The following CAMSAP1 variants were observed in gnomAD, a reference collection of about 807,000 sequenced individuals.
The protein encoded by CAMSAP1 is calmodulin regulated spectrin associated protein 1.
In CAMSAP1, 58 loss-of-function variants were observed where a neutral mutation model predicts 143.5. The ratio of observed to expected loss-of-function variants is 0.40; its 90% CI spans 0.33 to 0.50. The LOEUF is 0.50. Ranked by LOEUF, CAMSAP1 falls within the 20% of genes least tolerant of loss-of-function variation. CAMSAP1 has a pLI of 0.45. For synonymous variants in CAMSAP1, 945 were observed against 859.3 expected, an observed-to-expected ratio of 1.10 and a Z score of -1.74; for missense variants, 1,969 against 2,115.7, an observed-to-expected ratio of 0.93 and a Z score of 1.36.
At chr9:135,813,424 C>G (rs1404446837) in intron 16 of CAMSAP1, among the ~76,000 whole-genome samples, 1 of 152,144 alleles carries the variant, frequency 6.6e-6, no homozygotes, top group Non-Finnish European at 1.5e-5. Flanking sequence ...TTAAAAGAAT[C>G]CAAAACTGTC....
chr9:135,839,115 G>A (rs542927012), intron 7 of CAMSAP1, among the ~76,000 whole-genome samples: 3 of 152,184 alleles, frequency 2.0e-5, no homozygotes, highest in Admixed American at 2.0e-4. Flanking sequence ...TACTTGGTTC[G>A]GCGCCCTTCG....
intron 1 of CAMSAP1, among the ~76,000 whole-genome samples, chr9:135,902,887 T>TC (rs764084732): frequency 3.3e-5 from 5 of 152,066 alleles, no homozygotes; most frequent in Non-Finnish European, 7.4e-5. Flanking sequence ...AACCCTAAGC[T>TC]CCCATCCAGT....
intron 7 of CAMSAP1, chr9:135,836,089 GGAAA>G (rs1836022860): frequency 2.0e-6 from 2 of 984,806 alleles, no homozygotes; most frequent in South Asian, 4.7e-5. Flanking sequence ...CAGAAACTTC[GGAAA>G]GAGAGCTGCC....
At chr9:135,881,174 C>G (rs983929811) in intron 3 of CAMSAP1, among the ~76,000 whole-genome samples, 5 of 151,812 alleles carry the variant, frequency 3.3e-5, no homozygotes, top group African/African-American at 1.2e-4. Context: ...GAGACTCCCT[C>G]TCTACTAAAA....
chr9:135,906,877 G>T, intron 1 of CAMSAP1, 123 bp downstream of exon 1: 4 of 542,618 alleles, frequency 7.4e-6, no homozygotes, highest in South Asian at 1.5e-4. Context: ...GCCCAGCCCC[G>T]ACCCTGTGCG....
chr9:135,886,616 C>A (rs150812098), intron 1 of CAMSAP1, among the ~76,000 whole-genome samples: 1 of 152,160 alleles, frequency 6.6e-6, no homozygotes, highest in South Asian at 2.1e-4. Flanking sequence ...GTCAGCAGAG[C>A]GAGACAGGCT....
Position 135,827,406 on chromosome 9 carries a change from C to A in CAMSAP1, c.1223+1G>T. The A allele has an allele frequency of 6.5e-7, 1 of 1,548,746 alleles. No homozygotes were observed. Among genetic ancestry groups the A allele is most frequent in the Non-Finnish European group, 8.8e-7 (1 of 1,139,620 alleles). On this transcript the variant is annotated splice_donor_variant, in intron 8 of 16. Coordinates refer to ENST00000389532, the MANE Select transcript of CAMSAP1 (RefSeq NM_015447.4). LOFTEE classifies it high-confidence loss of function. ...TTCTGAAAGCAGAAAGACAGACTTA[C>A]AGGTATTCAGGTTCTTCCGGGTGCA...
chr9:135,866,360 T>C, intron 4 of CAMSAP1, 96 bp downstream of exon 4: 2 of 692,276 alleles, frequency 2.9e-6, no homozygotes, highest in Admixed American at 4.7e-5. Flanking sequence ...TGAGTAAAAA[T>C]AGAGAATAAG....
intron 1 of CAMSAP1, among the ~76,000 whole-genome samples, chr9:135,883,883 T>C (rs1195371106): frequency 6.6e-6 from 1 of 152,158 alleles, no homozygotes; most frequent in Non-Finnish European, 1.5e-5. Flanking sequence ...GAGCCTACTG[T>C]ATACTTCCGG....
intron 5 of CAMSAP1, 62 bp downstream of exon 5, chr9:135,862,405 G>T: frequency 1.7e-5 from 25 of 1,435,834 alleles, no homozygotes; most frequent in Non-Finnish European, 2.2e-5. Flanking sequence ...GTGGATCAAT[G>T]TACACTATAA....
intron 7 of CAMSAP1, chr9:135,836,228 CCT>C: frequency 1.0e-6 from 1 of 985,266 alleles, no homozygotes; most frequent in African/African-American, 1.7e-5. Context: ...TACCTTCTAC[CCT>C]GTTCTACAGA....
intron 5 of CAMSAP1, among the ~76,000 whole-genome samples, chr9:135,854,523 C>T (rs1836885912): frequency 6.6e-6 from 1 of 151,790 alleles, no homozygotes; most frequent in Non-Finnish European, 1.5e-5. Context: ...AGTGCAGTGG[C>T]ACAATCACAG....
rs1834985972 is a variant in CAMSAP1 at position 135,810,008 on chromosome 9, T to A, written c.*1301A>T. The A allele has an allele frequency of 6.6e-6, 1 of 152,660 alleles. No individual in the cohort carries two copies. Among genetic ancestry groups the A allele is most frequent in the Non-Finnish European group, 1.5e-5 (1 of 68,044 alleles). 9.5% of individuals were successfully genotyped at this position (152,660 alleles called of 1,614,324 possible). ...ATTTTTTCTGCAGTTTGAGATAGATTCAAGTAACACTCCCAAGAAAATATG... is the reference window on the plus strand; with the variant it reads ...ATTTTTTCTGCAGTTTGAGATAGATACAAGTAACACTCCCAAGAAAATATG... On this transcript the variant is annotated 3_prime_UTR_variant, in exon 17 of 17. Coordinates refer to ENST00000389532, the MANE Select transcript of CAMSAP1 (RefSeq NM_015447.4).
intron 3 of CAMSAP1, among the ~76,000 whole-genome samples, chr9:135,879,626 TAGAA>T (rs1044859597): frequency 2.0e-5 from 3 of 151,170 alleles, no homozygotes; most frequent in East Asian, 2.0e-4. Flanking sequence ...CACAAACTAA[TAGAA>T]AGGAAAATGT....
At chr9:135,890,663 C>T in intron 1 of CAMSAP1, among the ~76,000 whole-genome samples, 1 of 152,234 alleles carries the variant, frequency 6.6e-6, no homozygotes, top group Non-Finnish European at 1.5e-5. Context: ...GAGGCACCTC[C>T]ACCAGGGCCT....
chr9:135,881,860 A>T, intron 2 of CAMSAP1, 66 bp from the exon 3 acceptor site: 1 of 1,523,540 alleles, frequency 6.6e-7, no homozygotes, highest in Non-Finnish European at 8.9e-7. Context: ...TGATGCAGGG[A>T]ACCTGCTCAT....
At chr9:135,833,760 G>T (rs1005699499) in intron 7 of CAMSAP1, among the ~76,000 whole-genome samples, 7 of 152,214 alleles carry the variant, frequency 4.6e-5, no homozygotes, top group African/African-American at 1.4e-4. Flanking sequence ...TAGCCTTGGT[G>T]ATGATTTGGT....
chr9:135,846,057 C>A, intron 7 of CAMSAP1, among the ~76,000 whole-genome samples: 2 of 100,668 alleles, frequency 2.0e-5, no homozygotes. Context: ...CCCTCATAGC[C>A]AAGACAACCC....
At chr9:135,902,814 G>A (rs1838656562) in intron 1 of CAMSAP1, among the ~76,000 whole-genome samples, 1 of 152,168 alleles carries the variant, frequency 6.6e-6, no homozygotes, top group South Asian at 2.1e-4. Context: ...GTGCCTCTGG[G>A]CAGGCCATGT....
Sources: gnomAD v4.1 joint callset for allele counts (sites outside exome capture counted in the v4.1 genomes callset) on GRCh38, gnomAD v4.1.1 for gene constraint, MANE v1.5 for transcripts, NCBI Gene and HGNC (gene_info 2026-07-23, HGNC 2026-07-21) for gene names.